The following SNX29 variants were observed in gnomAD, a reference collection of about 807,000 sequenced individuals.
SNX29 encodes the protein sorting nexin 29.
SNX29 carries 78 observed loss-of-function variants against 102.1 expected under a neutral mutation model. That is an observed-to-expected ratio of 0.76 (90% CI 0.64 to 0.92). The LOEUF is 0.92. Among genes scored for constraint, SNX29 ranks in the 40% least tolerant of loss-of-function variants. The probability of loss-of-function intolerance (pLI) is 0.00; values close to 1 mark genes in which losing one functional copy is unlikely to be tolerated. For synonymous variants in SNX29, 580 were observed against 414.5 expected (o/e 1.40, Z -4.85); for missense variants, 1,280 against 1,061.7 (o/e 1.21, Z -2.86).
At chr16:12,391,531 A>G (rs2083529046) in intron 16 of SNX29, among the ~76,000 whole-genome samples, 1 of 152,256 alleles carries the variant, frequency 6.6e-6, no homozygotes, top group Non-Finnish European at 1.5e-5. Flanking sequence ...AGAATTTTAC[A>G]GTGAACACAT....
chr16:12,284,218 T>C (rs2079522759), intron 15 of SNX29, among the ~76,000 whole-genome samples: 1 of 152,252 alleles, frequency 6.6e-6, no homozygotes, highest in African/African-American at 2.4e-5. Context: ...GGAAAGCACA[T>C]GTATCGCGTG....
At chr16:12,439,911 C>G (rs923172820) in intron 18 of SNX29, among the ~76,000 whole-genome samples, 2 of 152,226 alleles carry the variant, frequency 1.3e-5, no homozygotes, top group African/African-American at 2.4e-5. Flanking sequence ...CTGGCTCTCC[C>G]TGAGTATCTG....
At chr16:12,537,894 A>C (rs909157763) in intron 20 of SNX29, among the ~76,000 whole-genome samples, 11 of 151,694 alleles carry the variant, frequency 7.3e-5, no homozygotes, top group Non-Finnish European at 1.0e-4. Context: ...CTAAGGCAGG[A>C]GAGTCACTGG....
intron 15 of SNX29, among the ~76,000 whole-genome samples, chr16:12,306,505 T>C (rs767212360): frequency 1.4e-4 from 21 of 152,208 alleles, no homozygotes; most frequent in Non-Finnish European, 2.9e-4. Context: ...GGCTGGAGAA[T>C]TAGCGTATTA....
intron 14 of SNX29, among the ~76,000 whole-genome samples, chr16:12,245,590 A>G (rs1039085893): frequency 5.3e-5 from 8 of 151,246 alleles, no homozygotes; most frequent in Non-Finnish European, 1.5e-5. Context: ...TTATTTATTT[A>G]TTTTTTCCTT....
chr16:12,553,857 G>T (rs1005186996), intron 20 of SNX29, among the ~76,000 whole-genome samples: 1 of 151,714 alleles, frequency 6.6e-6, no homozygotes, highest in African/African-American at 2.4e-5. Flanking sequence ...AAAGTGCTGG[G>T]ATTTCAGATG....
chr16:12,047,251 T>G (rs1381315501), intron 6 of SNX29, among the ~76,000 whole-genome samples: 1 of 152,166 alleles, frequency 6.6e-6, no homozygotes, highest in Non-Finnish European at 1.5e-5. Flanking sequence ...CGGTGGACTG[T>G]TACGTTGTTC....
chr16:12,567,960 C>A (rs574140301), intron 20 of SNX29, among the ~76,000 whole-genome samples: 2 of 152,128 alleles, frequency 1.3e-5, no homozygotes, highest in African/African-American at 4.8e-5. Context: ...ATCAGTGTCC[C>A]CCTCTTGGTG....
intron 20 of SNX29, among the ~76,000 whole-genome samples, chr16:12,555,151 G>C (rs1285123444): frequency 6.6e-6 from 1 of 151,948 alleles, no homozygotes; most frequent in Non-Finnish European, 1.5e-5. Context: ...TGGTCCAGGA[G>C]TGACAGGGTC....
chr16:12,244,337 G>A (rs953414405), intron 14 of SNX29, among the ~76,000 whole-genome samples: 1 of 152,182 alleles, frequency 6.6e-6, no homozygotes, highest in Admixed American at 6.5e-5. Flanking sequence ...AGCCAGGCAC[G>A]ATGGTTCACA....
chr16:12,218,965 G>A (rs532180926), intron 14 of SNX29, among the ~76,000 whole-genome samples: 34 of 152,114 alleles, frequency 2.2e-4, no homozygotes, highest in East Asian at 1.5e-3. Flanking sequence ...TAGTAGAGAC[G>A]GGGTTTCACT....
chr16:11,984,115 G>A (rs148169525), intron 1 of SNX29, among the ~76,000 whole-genome samples: 6 of 152,306 alleles, frequency 3.9e-5, no homozygotes, highest in East Asian at 1.9e-4. Flanking sequence ...CACTTTAGGA[G>A]GCTAAGGTGG....
chr16:12,499,763 C>T (rs1423564847), intron 19 of SNX29, among the ~76,000 whole-genome samples: 5 of 152,194 alleles, frequency 3.3e-5, no homozygotes, highest in Admixed American at 3.3e-4. Flanking sequence ...CAGCCTTGAC[C>T]TCCCTGTGCT....
At chr16:12,216,625 T>TA (rs1017954421) in intron 14 of SNX29, among the ~76,000 whole-genome samples, 1 of 152,180 alleles carries the variant, frequency 6.6e-6, no homozygotes. Flanking sequence ...CATGAAGACT[T>TA]AGATTGTGGG....
chr16:12,140,761 A>G (rs546411756), intron 13 of SNX29, among the ~76,000 whole-genome samples: 7 of 152,150 alleles, frequency 4.6e-5, no homozygotes, highest in Non-Finnish European at 8.8e-5. Flanking sequence ...TTCCTTGGCT[A>G]GATATTTCGG....
At chr16:12,422,579 C>G (rs560713391) in intron 18 of SNX29, among the ~76,000 whole-genome samples, 73 of 152,324 alleles carry the variant, frequency 4.8e-4, no homozygotes, top group African/African-American at 1.5e-3. Flanking sequence ...GCTCCTTGTC[C>G]CAACACCCAC....
chr16:12,336,836 C>T (rs1303902046), intron 15 of SNX29, among the ~76,000 whole-genome samples: 5 of 152,104 alleles, frequency 3.3e-5, no homozygotes, highest in African/African-American at 1.2e-4. Flanking sequence ...ATCCCAGCTA[C>T]GCAGAAGGCT....
intron 14 of SNX29, among the ~76,000 whole-genome samples, chr16:12,233,079 G>C (rs969450281): frequency 2.0e-5 from 3 of 152,066 alleles, no homozygotes; most frequent in Admixed American, 2.0e-4. Flanking sequence ...CTTCCTCTTT[G>C]TCTTCATCTT....
chr16:12,272,674 CATAG>C (rs2079126060), intron 14 of SNX29, among the ~76,000 whole-genome samples: 2 of 152,096 alleles, frequency 1.3e-5, no homozygotes, highest in Admixed American at 1.3e-4. Flanking sequence ...TTTGCAGGTA[CATAG>C]ATAAAGTCAT....
Sources: gnomAD v4.1 joint callset for allele counts (sites outside exome capture counted in the v4.1 genomes callset) on GRCh38, gnomAD v4.1.1 for gene constraint, MANE v1.5 for transcripts, NCBI Gene and HGNC (gene_info 2026-07-23, HGNC 2026-07-21) for gene names.